The following USH2A variants were observed in gnomAD, a reference collection of about 807,000 sequenced individuals.
USH2A encodes Usher syndrome 2A (autosomal recessive, mild).
USH2A carries 443 observed loss-of-function variants against 538.9 expected under a neutral mutation model. The observed-to-expected ratio is 0.82, with a 90% CI of 0.76 to 0.89. The LOEUF is 0.89. USH2A is among the 40% of genes least tolerant of loss of function. The probability of loss-of-function intolerance (pLI) is 0.00; values close to 1 mark genes in which losing one functional copy is unlikely to be tolerated. For missense variants in USH2A, 6,633 were observed against 6,324.8 expected (o/e 1.05, Z -1.65); for synonymous variants, 2,413 against 2,273.5 (o/e 1.06, Z -1.75).
intron 51 of USH2A, among the ~76,000 whole-genome samples, chr1:215,787,754 T>C (rs1024965634): frequency 6.6e-6 from 1 of 152,102 alleles, no homozygotes; most frequent in Non-Finnish European, 1.5e-5. Flanking sequence ...TTCAAAAATA[T>C]ATAGTGGGTC....
intron 38 of USH2A, among the ~76,000 whole-genome samples, chr1:215,918,630 CAT>C (rs756892760): frequency 3.9e-5 from 6 of 152,102 alleles, no homozygotes; most frequent in Non-Finnish European, 5.9e-5. Context: ...CTTACCTCAA[CAT>C]GCCATTAATT....
chr1:216,205,546 A>C (rs945478077), intron 16 of USH2A, among the ~76,000 whole-genome samples: 4 of 152,240 alleles, frequency 2.6e-5, no homozygotes, highest in Non-Finnish European at 4.4e-5. Flanking sequence ...AATGCATACA[A>C]AATAAAACTC....
chr1:216,052,407 G>A (rs1450397531), intron 30 of USH2A, among the ~76,000 whole-genome samples: 1 of 151,550 alleles, frequency 6.6e-6, no homozygotes, highest in East Asian at 1.9e-4. Context: ...CTGATGTTTT[G>A]GTTCTTGCCA....
chr1:216,050,238 C>T (rs1013886090), intron 30 of USH2A, among the ~76,000 whole-genome samples: 1 of 152,158 alleles, frequency 6.6e-6, no homozygotes, highest in East Asian at 1.9e-4. Flanking sequence ...ATTGCTGGCT[C>T]CAAATGCCAA....
intron 49 of USH2A, among the ~76,000 whole-genome samples, chr1:215,809,843 C>T (rs1662613637): frequency 6.6e-6 from 1 of 152,102 alleles, no homozygotes; most frequent in East Asian, 1.9e-4. Flanking sequence ...AATGCCTATA[C>T]CCATCTTGGC....
chr1:215,977,593 G>A lies in USH2A; in HGVS notation c.6806-6817C>T, dbSNP rs150137559. Among the ~76,000 whole-genome samples the A allele has an allele frequency of 7.8e-3, 1,185 of 152,018 alleles. 15 individuals carry two copies. The highest frequency in any genetic ancestry group is 0.027 in the African/African-American group (1,108 of 41,472). ...ATGATCTCGGCTCACTGCAACCTCC[G>A]CCTCCCAGGAGGCGAATTAAGCGAT... On this transcript the variant is annotated intron_variant, in intron 35 of 71. Transcript: ENST00000307340.
At chr1:215,782,420 T>C (rs1017037070) in intron 53 of USH2A, among the ~76,000 whole-genome samples, 7 of 152,180 alleles carry the variant, frequency 4.6e-5, no homozygotes, top group African/African-American at 1.7e-4. Flanking sequence ...TTCCTTTCAC[T>C]ATGAAACAAA....
In USH2A at chr1:216,246,980, C is replaced by T; in HGVS notation, c.2414G>A (p.Gly805Glu). 6.2e-7 allele frequency: 1 copy of T among 1,613,998 alleles called. No individual in the cohort carries two copies. Residue 805 changes from glycine to glutamate, a missense_variant, in exon 13 of 72, where the codon GGG (glycine) becomes GAG (glutamate). Transcript: ENST00000307340. ...CCCTGTCTTAGCATTACAGACAGTC[C>T]CAGGGAGGGATCCAGCTGTGTCACA... is the stretch of plus-strand genomic sequence containing the variant. ...CDCDTAGSLP[G>E]TVCNAKTGQC...
Position 215,872,361 on chromosome 1 carries a change from T to C in USH2A, c.8682-5191A>G, listed in dbSNP as rs775580908. On this transcript the variant is annotated intron_variant, in intron 43 of 71. Coordinates refer to ENST00000307340, the MANE Select transcript of USH2A (RefSeq NM_206933.4). ...GATTTTTGCTTCAAAAATTGAAGAG[T>C]AATGTTGATCACACTTGAATATTTT... Among the ~76,000 whole-genome samples, 21 of 152,196 alleles carry C rather than the reference T, an allele frequency of 1.4e-4. 1 individual carries two copies. The highest frequency in any genetic ancestry group is 4.4e-5 in the Non-Finnish European group (3 of 68,040).
chr1:216,370,058 G>A (rs759993822), intron 3 of USH2A, among the ~76,000 whole-genome samples: 14 of 151,952 alleles, frequency 9.2e-5, no homozygotes, highest in Non-Finnish European at 1.8e-4. Context: ...TAAGCACAGA[G>A]GATTGAAAAC....
At chr1:216,382,354 G>A (rs1266689945) in intron 3 of USH2A, among the ~76,000 whole-genome samples, 1 of 152,144 alleles carries the variant, frequency 6.6e-6, no homozygotes, top group Non-Finnish European at 1.5e-5. Context: ...GTAAGGGAGA[G>A]TATTCTTGGT....
In USH2A at chr1:216,093,138, T is replaced by C. The variant is rs578055317; in HGVS notation, c.4758+3945A>G. 2.0e-5 allele frequency among the ~76,000 whole-genome samples: 3 copies of C among 151,978 alleles called. No individual in the cohort carries two copies. The South Asian group carries it at 6.2e-4, about 32-fold the overall frequency. On this transcript the variant is annotated intron_variant, in intron 22 of 71. Coordinates refer to ENST00000307340, the MANE Select transcript of USH2A (RefSeq NM_206933.4). ...TGCCACCACGCCCAGCTAAGTTTTG[T>C]ATTTTTAGTAGAAACGGGGTTTCAC...
intron 20 of USH2A, among the ~76,000 whole-genome samples, chr1:216,180,998 T>C (rs919539291): frequency 6.6e-6 from 1 of 152,000 alleles, no homozygotes; most frequent in Non-Finnish European, 1.5e-5. Context: ...GAGGAAAAGT[T>C]TTCCCCCGAA....
intron 21 of USH2A, among the ~76,000 whole-genome samples, chr1:216,115,433 T>C (rs887305819): frequency 3.3e-5 from 5 of 152,328 alleles, no homozygotes; most frequent in South Asian, 2.1e-4. Flanking sequence ...GCGTAAGCCA[T>C]TGTGCTGGGC....
intron 14 of USH2A, among the ~76,000 whole-genome samples, chr1:216,220,173 G>C (rs553867058): frequency 7.8e-4 from 119 of 152,052 alleles, no homozygotes; most frequent in African/African-American, 2.7e-3. Flanking sequence ...GAGGCCCAGA[G>C]ATATATCCCA....
chr1:216,196,818 A>G, intron 18 of USH2A, 96 bp from the exon 19 acceptor site: 1 of 1,371,180 alleles, frequency 7.3e-7, no homozygotes, highest in Non-Finnish European at 1.0e-6. Flanking sequence ...TTTCTGAAAT[A>G]CCTTTACCTT....
intron 4 of USH2A, among the ~76,000 whole-genome samples, chr1:216,348,721 A>G (rs2038223725): frequency 6.6e-6 from 1 of 152,188 alleles, no homozygotes; most frequent in Non-Finnish European, 1.5e-5. Context: ...GAGAGACTGA[A>G]AAGAAAAAGA....
chr1:216,014,787 G>A (rs1668667080), intron 32 of USH2A, among the ~76,000 whole-genome samples: 1 of 152,176 alleles, frequency 6.6e-6, no homozygotes, highest in African/African-American at 2.4e-5. Context: ...ACCGATTACT[G>A]TCAAGCAAAC....
chr1:216,416,590 C>T (rs1024652866), intron 3 of USH2A, among the ~76,000 whole-genome samples: 2 of 152,116 alleles, frequency 1.3e-5, no homozygotes, highest in Non-Finnish European at 2.9e-5. Flanking sequence ...TTTAAAGATT[C>T]ATGAAGAAAT....
Sources: gnomAD v4.1 joint callset for allele counts (sites outside exome capture counted in the v4.1 genomes callset) on GRCh38, gnomAD v4.1.1 for gene constraint, MANE v1.5 for transcripts, NCBI Gene and HGNC (gene_info 2026-07-23, HGNC 2026-07-21) for gene names.